The following SCMH1 variants were observed in gnomAD, a reference collection of about 807,000 sequenced individuals.
SCMH1 encodes polycomb protein SCMH1.
In SCMH1, 37 loss-of-function variants were observed where a neutral mutation model predicts 70.8. The observed-to-expected ratio is 0.52, with a 90% CI of 0.40 to 0.69. The LOEUF (loss-of-function observed/expected upper bound fraction) is 0.69. SCMH1 is among the 30% of genes least tolerant of loss of function. SCMH1 has a pLI of 0.00. For missense variants in SCMH1, 607 were observed against 827.3 expected, an observed-to-expected ratio of 0.73 and a Z score of 3.27; for synonymous variants, 292 against 307.4, an observed-to-expected ratio of 0.95 and a Z score of 0.52.
At chr1:41,175,593 T>C (rs945483867) in intron 2 of SCMH1, among the ~76,000 whole-genome samples, 1 of 152,192 alleles carries the variant, frequency 6.6e-6, no homozygotes, top group African/African-American at 2.4e-5. Flanking sequence ...TTTTAAAACA[T>C]AAAACAGATA....
intron 10 of SCMH1, 96 bp downstream of exon 10, chr1:41,070,499 C>A: frequency 7.0e-7 from 1 of 1,430,580 alleles, no homozygotes; most frequent in South Asian, 1.5e-5. Context: ...CCTAGGTTTA[C>A]AAGTGGAAAG....
At chr1:41,099,182 A>G (rs1460808886) in intron 8 of SCMH1, 1 of 196,130 alleles carries the variant, frequency 5.1e-6, no homozygotes, top group Admixed American at 4.9e-5. Context: ...CACCATAAAA[A>G]TATAGCAAAT....
intron 1 of SCMH1, among the ~76,000 whole-genome samples, chr1:41,188,988 A>G (rs1226196785): frequency 6.6e-6 from 1 of 152,212 alleles, no homozygotes; most frequent in African/African-American, 2.4e-5. Flanking sequence ...AAATCATAAT[A>G]CTATGCCAAT....
intron 4 of SCMH1, among the ~76,000 whole-genome samples, chr1:41,158,771 G>A (rs1645778458): frequency 6.6e-6 from 1 of 152,152 alleles, no homozygotes; most frequent in African/African-American, 2.4e-5. Flanking sequence ...GACTAGTTAG[G>A]AAGCTGTTTT....
intron 9 of SCMH1, among the ~76,000 whole-genome samples, chr1:41,072,072 C>G (rs961089083): frequency 6.6e-6 from 1 of 152,206 alleles, no homozygotes; most frequent in Non-Finnish European, 1.5e-5. Flanking sequence ...ATCAACCTGT[C>G]TGCCTTCTAG....
At chr1:41,139,973 G>T (rs1179849203) in intron 6 of SCMH1, among the ~76,000 whole-genome samples, 2 of 152,120 alleles carry the variant, frequency 1.3e-5, no homozygotes, top group Non-Finnish European at 2.9e-5. Context: ...TATTAAGTTG[G>T]TGGTACAGTC....
At chr1:41,204,249 G>C (rs180703405) in intron 1 of SCMH1, among the ~76,000 whole-genome samples, 11 of 152,206 alleles carry the variant, frequency 7.2e-5, no homozygotes, top group Admixed American at 7.2e-4. Context: ...TATTTAGTAC[G>C]CCTTAGCAGC....
chr1:41,029,421 A>C (rs1644209739), intron 13 of SCMH1, among the ~76,000 whole-genome samples: 1 of 152,166 alleles, frequency 6.6e-6, no homozygotes, highest in Non-Finnish European at 1.5e-5. Context: ...GCTGGTCTTG[A>C]ATTCCTGACC....
intron 1 of SCMH1, among the ~76,000 whole-genome samples, chr1:41,241,565 A>G (rs1663549464): frequency 6.6e-6 from 1 of 152,110 alleles, no homozygotes; most frequent in African/African-American, 2.4e-5. Flanking sequence ...CCGGCCAGCC[A>G]GAATCACAGG....
chr1:41,076,656 G>GAGGTAAAGGCAC (rs1658372027), intron 8 of SCMH1, among the ~76,000 whole-genome samples: 1 of 152,200 alleles, frequency 6.6e-6, no homozygotes, highest in Non-Finnish European at 1.5e-5. Context: ...TTTACACAGA[G>GAGGTAAAGGCAC]CTCCCGAAAG....
At chr1:41,061,572 A>G (rs1312813593) in intron 10 of SCMH1, among the ~76,000 whole-genome samples, 1 of 152,218 alleles carries the variant, frequency 6.6e-6, no homozygotes, top group Non-Finnish European at 1.5e-5. Flanking sequence ...AGTGTCAGAT[A>G]TATGAGGCAA....
intron 1 of SCMH1, among the ~76,000 whole-genome samples, chr1:41,224,492 T>C (rs1659897411): frequency 6.6e-6 from 1 of 152,178 alleles, no homozygotes; most frequent in Non-Finnish European, 1.5e-5. Flanking sequence ...TTCTTATAAT[T>C]ATTACTATTA....
intron 1 of SCMH1, among the ~76,000 whole-genome samples, chr1:41,198,377 A>C (rs1653528302): frequency 6.6e-6 from 1 of 152,158 alleles, no homozygotes; most frequent in African/African-American, 2.4e-5. Context: ...TACCCCCACA[A>C]AGCAGAAGCC....
intron 10 of SCMH1, among the ~76,000 whole-genome samples, chr1:41,049,766 CAAA>C (rs11400346): frequency 2.4e-5 from 3 of 123,234 alleles, no homozygotes; most frequent in Non-Finnish European, 3.3e-5. Context: ...GAATTGGTCT[CAAA>C]AAAAAAAAAA....
chr1:41,094,815 G>A (rs946804074), intron 8 of SCMH1, among the ~76,000 whole-genome samples: 3 of 151,688 alleles, frequency 2.0e-5, no homozygotes, highest in African/African-American at 7.3e-5. Context: ...CTAGAACCCA[G>A]AAGGCGGAGG....
intron 8 of SCMH1, among the ~76,000 whole-genome samples, chr1:41,079,214 TAAGG>T (rs1659246688): frequency 6.6e-6 from 1 of 151,952 alleles, no homozygotes; most frequent in South Asian, 2.1e-4. Context: ...AATAAAGAAA[TAAGG>T]AAGAACTTGG....
At chr1:41,033,891 AG>A in intron 13 of SCMH1, 91 bp downstream of exon 14, 1 of 1,582,386 alleles carries the variant, frequency 6.3e-7, no homozygotes, top group East Asian at 2.2e-5. Context: ...GTACCATCTG[AG>A]GCCAGTGCCA....
chr1:41,099,468 C>A (rs889440274), intron 8 of SCMH1, among the ~76,000 whole-genome samples: 1 of 152,116 alleles, frequency 6.6e-6, no homozygotes, highest in African/African-American at 2.4e-5. Context: ...ATTAATTTAC[C>A]CCATATTCAC....
In SCMH1 at chr1:41,096,326, A is replaced by C. The variant is rs183441287; in HGVS notation, c.745+16957T>G. 4.6e-5 allele frequency among the ~76,000 whole-genome samples: 7 copies of C among 152,360 alleles called. No homozygotes were observed. The East Asian group carries it at 1.2e-3, about 25-fold the overall frequency. On this transcript the variant is annotated intron_variant, in intron 8 of 14. Coordinates refer to ENST00000337495, the Ensembl canonical transcript of SCMH1. ...CTTGCTTAAGATCTCCCAGGAAATA[A>C]ATAGCAAAGGTGGAGCTGGACATTT... is the stretch of plus-strand genomic sequence containing the variant.
Sources: gnomAD v4.1 joint callset for allele counts (sites outside exome capture counted in the v4.1 genomes callset) on GRCh38, gnomAD v4.1.1 for gene constraint, MANE v1.5 for transcripts, NCBI Gene and HGNC (gene_info 2026-07-23, HGNC 2026-07-21) for gene names.